Variants in GRXCR2 observed in about 807,000 individuals in gnomAD.
GRXCR2 encodes the protein glutaredoxin and cysteine rich domain containing 2.
A neutral mutation model predicts 24.8 loss-of-function variants in GRXCR2; 23 were observed. The observed-to-expected ratio is 0.93, with a 90% CI of 0.67 to 1.32. GRXCR2 has a LOEUF of 1.32. Among genes scored for constraint, GRXCR2 ranks in the 40% most tolerant of loss-of-function variants. The pLI, the probability that GRXCR2 is intolerant of heterozygous loss-of-function variation, is 0.00. For missense variants in GRXCR2, 315 were observed against 303.4 expected, an observed-to-expected ratio of 1.04 and a Z score of -0.28; for synonymous variants, 130 against 116.1, an observed-to-expected ratio of 1.12 and a Z score of -0.77.
chr5:145,931,316 G>A (rs1034616198), intron 2 of GRXCR2, among the ~76,000 whole-genome samples: 3 of 152,320 alleles, frequency 2.0e-5, no homozygotes, highest in African/African-American at 7.2e-5. Flanking sequence ...ACAGGCATGA[G>A]CCACTGCACC....
At chr5:145,887,135 G>T (rs1040471622) in intron 2 of GRXCR2, among the ~76,000 whole-genome samples, 4 of 152,066 alleles carry the variant, frequency 2.6e-5, no homozygotes, top group African/African-American at 9.7e-5. Context: ...TCACTCTGTT[G>T]TCCAGGCTGG....
At chr5:145,925,827 C>G (rs770342587) in intron 2 of GRXCR2, among the ~76,000 whole-genome samples, 3 of 152,034 alleles carry the variant, frequency 2.0e-5, no homozygotes, top group Non-Finnish European at 2.9e-5. Flanking sequence ...CATTCTAATT[C>G]TTTTTTAATA....
chr5:145,930,035 G>A (rs1259216905), intron 2 of GRXCR2, among the ~76,000 whole-genome samples: 1 of 151,902 alleles, frequency 6.6e-6, no homozygotes, highest in East Asian at 1.9e-4. Flanking sequence ...TAACACCAAG[G>A]AGAAAGCCTC....
Position 145,872,808 on chromosome 5 carries a change from A to T in GRXCR2, c.161T>A (p.Leu54Gln). 6.2e-7 allele frequency: 1 copy of T among 1,614,206 alleles called. No individual in the cohort carries two copies. ...ATCCATTGTTTCAAGAGACTCTTGCAGAAAACTGTGAGGGTATTCCTCCTT... is the reference window on the plus strand; with the variant it reads ...ATCCATTGTTTCAAGAGACTCTTGCTGAAAACTGTGAGGGTATTCCTCCTT... ...SPKEEYPHSF[L>Q]QESLETMDGV... The change falls in exon 1 of 3, where the codon CTG becomes CAG. Residue 54 changes from leucine (L) to glutamine (Q), a missense_variant. Transcript: ENST00000377976.
intron 2 of GRXCR2, among the ~76,000 whole-genome samples, chr5:145,927,130 T>G (rs1159374504): frequency 6.6e-6 from 1 of 152,220 alleles, no homozygotes; most frequent in Non-Finnish European, 1.5e-5. Context: ...GATTTTGAGC[T>G]GAGACGATGG....
At chr5:145,922,988 G>A (rs1304236306) in intron 2 of GRXCR2, among the ~76,000 whole-genome samples, 1 of 152,208 alleles carries the variant, frequency 6.6e-6, no homozygotes, top group African/African-American at 2.4e-5. Flanking sequence ...GTATAAAATA[G>A]ACAGTTCTCA....
chr5:145,868,689 C>T (rs1021606861), intron 1 of GRXCR2, among the ~76,000 whole-genome samples: 3 of 152,172 alleles, frequency 2.0e-5, no homozygotes, highest in Non-Finnish European at 4.4e-5. Context: ...ACAAAACTCT[C>T]AATACGCTAA....
At chr5:145,891,603 C>T (rs1756865431) in intron 2 of GRXCR2, among the ~76,000 whole-genome samples, 1 of 152,296 alleles carries the variant, frequency 6.6e-6, no homozygotes, top group Admixed American at 6.5e-5. Context: ...CCCGCCATTG[C>T]TGAGGTTTGA....
chr5:145,889,320 G>A (rs942940217), intron 2 of GRXCR2, among the ~76,000 whole-genome samples: 4 of 151,886 alleles, frequency 2.6e-5, no homozygotes, highest in African/African-American at 9.7e-5. Context: ...CTACAAATAG[G>A]GTACAATGTA....
At chr5:145,889,866 A>T (rs1382105197) in intron 2 of GRXCR2, among the ~76,000 whole-genome samples, 1 of 152,250 alleles carries the variant, frequency 6.6e-6, no homozygotes, top group African/African-American at 2.4e-5. Flanking sequence ...TAAACATCTT[A>T]AAAAGACAGC....
chr5:145,905,224 C>G (rs779735229), intron 2 of GRXCR2, among the ~76,000 whole-genome samples: 1 of 152,222 alleles, frequency 6.6e-6, no homozygotes, highest in African/African-American at 2.4e-5. Context: ...CTTATCCTTA[C>G]CACTTATCAG....
intron 2 of GRXCR2, among the ~76,000 whole-genome samples, chr5:145,909,275 T>C (rs1757131364): frequency 6.7e-6 from 1 of 149,382 alleles, no homozygotes; most frequent in African/African-American, 2.5e-5. Flanking sequence ...AAATAACTTG[T>C]CCCAAGCACT....
rs371112039 is a variant in GRXCR2, at chr5:145,930,907, G to A, written c.-70+4794C>T. 3.0e-3 allele frequency among the ~76,000 whole-genome samples: 457 copies of A among 152,320 alleles called. 2 individuals are homozygous for A. Among genetic ancestry groups the A allele is most frequent in the African/African-American group, 0.01 (429 of 41,560 alleles). On this transcript the variant is annotated intron_variant, in intron 2 of 3. Coordinates refer to the GRXCR2 transcript ENST00000639411. The stretch of plus-strand genomic sequence containing the variant: ...CTACTAGCATCCTCACTTTATCCAT[G>A]AGGAATCCAAGGAACAGAGGAAGAG...
At chr5:145,882,252 A>C (rs568011063) in intron 2 of GRXCR2, among the ~76,000 whole-genome samples, 4 of 152,178 alleles carry the variant, frequency 2.6e-5, no homozygotes, top group African/African-American at 7.2e-5. Flanking sequence ...AATGGGAGAA[A>C]ATTTTTGCAA....
intron 2 of GRXCR2, among the ~76,000 whole-genome samples, chr5:145,919,230 C>T (rs1757284692): frequency 6.6e-6 from 1 of 152,158 alleles, no homozygotes; most frequent in African/African-American, 2.4e-5. Flanking sequence ...CCAAAACCAA[C>T]CGAACATTGC....
intron 2 of GRXCR2, among the ~76,000 whole-genome samples, chr5:145,904,425 A>C (rs1451962151): frequency 6.6e-6 from 1 of 152,146 alleles, no homozygotes; most frequent in Non-Finnish European, 1.5e-5. Context: ...CTTGGACTTG[A>C]AGTTTTTAAC....
rs182698680 is a variant in GRXCR2 at position 145,905,078 on chromosome 5, C to T, written c.-70+30623G>A. On this transcript the variant is annotated intron_variant, in intron 2 of 3. Coordinates refer to the GRXCR2 transcript ENST00000639411. ...TGCTCAGAGCCACTGAGGGAGGGAACGACCCAAGAGAGTGATTACCAAAAA... is the reference window on the plus strand; with the variant it reads ...TGCTCAGAGCCACTGAGGGAGGGAATGACCCAAGAGAGTGATTACCAAAAA... 1.4e-4 allele frequency among the ~76,000 whole-genome samples: 21 copies of T among 152,290 alleles called. No individual in the cohort carries two copies. The East Asian group carries it at 2.1e-3, about 15-fold the overall frequency.
chr5:145,905,495 AT>A (rs796099002), intron 2 of GRXCR2, among the ~76,000 whole-genome samples: 92 of 152,322 alleles, frequency 6.0e-4, no homozygotes, highest in African/African-American at 2.2e-3. Context: ...AACTGCCTGT[AT>A]GGTGTAGAGG....
chr5:145,902,407 C>T (rs1757036696), intron 2 of GRXCR2, among the ~76,000 whole-genome samples: 1 of 152,152 alleles, frequency 6.6e-6, no homozygotes. Flanking sequence ...CCCGGCCAAA[C>T]TAGTTCTTTA....
Sources: allele counts gnomAD v4.1 joint callset (sites outside exome capture counted in the v4.1 genomes callset), GRCh38; gene constraint gnomAD v4.1.1; transcripts MANE v1.5; gene names NCBI Gene and HGNC (gene_info 2026-07-23, HGNC 2026-07-21).